Variants in LSG1 observed in about 807,000 individuals in gnomAD.
The protein encoded by LSG1 is large subunit GTPase 1 homolog.
In LSG1, 55 loss-of-function variants were observed where a neutral mutation model predicts 82.6. That is an observed-to-expected ratio of 0.67 (90% confidence interval 0.54 to 0.83). LSG1 has a LOEUF of 0.83. Ranked by LOEUF, LSG1 falls within the 40% of genes least tolerant of loss-of-function variation. LSG1 has a pLI of 0.00. For missense variants in LSG1, 809 were observed against 807.9 expected, an observed-to-expected ratio of 1.00 and a Z score of -0.02; for synonymous variants, 272 against 282.5, an observed-to-expected ratio of 0.96 and a Z score of 0.37.
At chr3:194,656,171 A>G (rs1470294299) in intron 7 of LSG1, among the ~76,000 whole-genome samples, 1 of 151,842 alleles carries the variant, frequency 6.6e-6, no homozygotes, top group Admixed American at 6.6e-5. Context: ...TAAACTAAAG[A>G]GCTTCTGCAC....
intron 13 of LSG1, 58 bp from the exon 14 acceptor site, chr3:194,642,305 T>C (rs1718415155): frequency 9.7e-6 from 14 of 1,443,984 alleles, no homozygotes; most frequent in African/African-American, 1.4e-5. Flanking sequence ...TTAAGGGATA[T>C]GCACAGTACT....
chr3:194,663,764 G>A (rs1401628213), intron 5 of LSG1, among the ~76,000 whole-genome samples: 1 of 127,490 alleles, frequency 7.8e-6, no homozygotes, highest in African/African-American at 3.1e-5. Flanking sequence ...CCCTTCTTCC[G>A]CCTCAGAGAA....
At chr3:194,660,001 A>G in intron 6 of LSG1, 72 bp downstream of exon 6, 1 of 1,302,528 alleles carries the variant, frequency 7.7e-7, no homozygotes, top group African/African-American at 1.5e-5. Flanking sequence ...GCCTACAGTC[A>G]TTGCTGAGGG....
At position 194,650,890 on chromosome 3, in the gene LSG1, A is replaced by G. The variant is rs762342141; in HGVS notation, c.1410T>C (p.Pro470=). ...PIDQMRDHVP[P]VSLVCQNIPR... ...AAAGCAGAAAGGATATTAGTGATACAGGAGGAACATGATCTCTCATCTGAT... is the reference window on the plus strand; with the variant it reads ...AAAGCAGAAAGGATATTAGTGATACGGGAGGAACATGATCTCTCATCTGAT... Residue 470 remains proline, a synonymous_variant, in exon 10 of 14, where the codon CCT becomes CCC. Coordinates refer to ENST00000265245, the MANE Select transcript of LSG1 (RefSeq NM_018385.3). 1 of 1,613,118 alleles carries G rather than the reference A, an allele frequency of 6.2e-7. No individual in the cohort carries two copies. The highest frequency in any genetic ancestry group is 1.1e-5 in the South Asian group (1 of 90,816).
chr3:194,645,571 G>GACAC (rs1560219817), intron 12 of LSG1, among the ~76,000 whole-genome samples: 3 of 41,324 alleles, frequency 7.3e-5, no homozygotes, highest in African/African-American at 1.9e-4. Context: ...CACACACACA[G>GACAC]ACAGACACAC....
In LSG1 at chr3:194,670,008, C is replaced by G. The variant is rs756428541; in HGVS notation, c.226+1G>C. 6.2e-7 allele frequency: 1 copy of G among 1,613,446 alleles called. No homozygotes were observed. Among genetic ancestry groups the G allele is most frequent in the African/African-American group, 1.3e-5 (1 of 74,878 alleles). ...CCTGCACTCAGCAATAAACAACTTA[C>G]CAGCTACAAACTCTGTTCCTGCAAG... On this transcript the variant is annotated splice_donor_variant, in intron 2 of 13. Coordinates refer to ENST00000265245, the MANE Select transcript of LSG1 (RefSeq NM_018385.3). LOFTEE classifies it high-confidence loss of function.
intron 10 of LSG1, 51 bp from the exon 11 acceptor site, chr3:194,648,855 G>T (rs750075315): frequency 6.2e-7 from 1 of 1,605,392 alleles, no homozygotes; most frequent in Non-Finnish European, 8.5e-7. Context: ...CCTCCCCATG[G>T]CATACAAATC....
intron 11 of LSG1, 53 bp downstream of exon 11, chr3:194,648,628 T>C: frequency 6.4e-7 from 1 of 1,561,484 alleles, no homozygotes; most frequent in Admixed American, 1.7e-5. Context: ...TTATTTCTAT[T>C]CATTAGGTAT....
chr3:194,652,627 C>A (rs572559890), intron 8 of LSG1, 102 bp downstream of exon 8: 3 of 1,299,334 alleles, frequency 2.3e-6, no homozygotes, highest in Non-Finnish European at 3.2e-6. Flanking sequence ...ATGTTCCCTA[C>A]GATGCCGGAA....
chr3:194,648,499 G>A (rs140027192), intron 11 of LSG1, among the ~76,000 whole-genome samples, 182 bp downstream of exon 11: 239 of 152,210 alleles, frequency 1.6e-3, no homozygotes, highest in African/African-American at 5.7e-3. Context: ...AAAGCTTTTT[G>A]CACTTTAGGT....
At chr3:194,650,627 C>A in intron 10 of LSG1, 1 of 360,676 alleles carries the variant, frequency 2.8e-6, no homozygotes. Context: ...GGTTACATGG[C>A]ATTGTTAAAT....
At chr3:194,660,796 A>G (rs896378593) in intron 5 of LSG1, 14 of 450,596 alleles carry the variant, frequency 3.1e-5, no homozygotes, top group Non-Finnish European at 3.1e-5. Flanking sequence ...CATCACGTAT[A>G]AGAAAGTACA....
chr3:194,671,977 T>C (rs1719146835), intron 1 of LSG1, 87 bp downstream of exon 1: 13 of 1,286,676 alleles, frequency 1.0e-5, no homozygotes, highest in Admixed American at 5.3e-5. Flanking sequence ...GCGTCCCTCC[T>C]GCAAAACTTA....
chr3:194,661,367 CATT>C (rs1333855793), intron 5 of LSG1, among the ~76,000 whole-genome samples: 5 of 152,274 alleles, frequency 3.3e-5, no homozygotes, highest in African/African-American at 1.2e-4. Context: ...TGTCTACAAA[CATT>C]ATGTTTACAT....
Position 194,642,161 on chromosome 3 carries a change from G to A in LSG1, c.1884C>T (p.Ser628=), listed in dbSNP as rs1304076832. 9 of 1,613,894 alleles carry A rather than the reference G, an allele frequency of 5.6e-6. No individual in the cohort carries two copies. Among genetic ancestry groups the A allele is most frequent in the Non-Finnish European group, 7.6e-6 (9 of 1,180,036 alleles). ...GSGVVTASTA[S]SENGAGKPWK... is the part of the protein sequence containing the mutation. ...AGGGCTTCCCCGCCCCGTTCTCAGA[G>A]CTCGCAGTGGATGCAGTCACTACAC... is the stretch of plus-strand genomic sequence containing the variant. Residue 628 remains serine, a synonymous_variant, in exon 14 of 14, where the codon AGC becomes AGT. Transcript: ENST00000265245.
rs2108613453 is a variant in LSG1, at chr3:194,642,169, T to C, written c.1876A>G (p.Thr626Ala). The stretch of plus-strand genomic sequence containing the variant: ...CCCGCCCCGTTCTCAGAGCTCGCAG[T>C]GGATGCAGTCACTACACCACTCCCG... The part of the protein sequence containing the change: ...KPGSGVVTAS[T>A]ASSENGAGKP... Residue 626 changes from threonine to alanine, a missense_variant, in exon 14 of 14, where the codon ACT becomes GCT. Coordinates refer to ENST00000265245, the MANE Select transcript of LSG1 (RefSeq NM_018385.3). 6.2e-7 allele frequency: 1 copy of C among 1,614,126 alleles called. No individual in the cohort carries two copies. The highest frequency in any genetic ancestry group is 8.5e-7 in the Non-Finnish European group (1 of 1,180,034).
At chr3:194,649,422 G>A (rs1390200283) in intron 10 of LSG1, among the ~76,000 whole-genome samples, 1 of 151,756 alleles carries the variant, frequency 6.6e-6, no homozygotes, top group Non-Finnish European at 1.5e-5. Flanking sequence ...GGTGGCTCAC[G>A]CCTGTAATCC....
chr3:194,659,441 G>A (rs796121610), intron 6 of LSG1, among the ~76,000 whole-genome samples: 2 of 152,166 alleles, frequency 1.3e-5, no homozygotes, highest in African/African-American at 2.4e-5. Flanking sequence ...CCAGGAGTTC[G>A]AGACCAGCCT....
intron 1 of LSG1, 35 bp downstream of exon 1, chr3:194,672,029 A>G (rs754100697): frequency 1.1e-5 from 18 of 1,589,138 alleles, no homozygotes; most frequent in Non-Finnish European, 1.4e-5. Flanking sequence ...CAGGCTAGAC[A>G]GAAAAGATAA....
Sources: allele counts gnomAD v4.1 joint callset (sites outside exome capture counted in the v4.1 genomes callset), GRCh38; gene constraint gnomAD v4.1.1; transcripts MANE v1.5; gene names NCBI Gene and HGNC (gene_info 2026-07-23, HGNC 2026-07-21).